The following ABCC2 variants were observed in gnomAD, a reference collection of about 807,000 sequenced individuals.
The protein encoded by ABCC2 is ATP binding cassette subfamily C member 2, also known as ATP-binding cassette sub-family C member 2.
Under a neutral mutation model 173.4 loss-of-function variants are expected in ABCC2, and 157 were observed. The ratio of observed to expected loss-of-function variants is 0.91; its 90% CI spans 0.80 to 1.03. ABCC2 has a LOEUF of 1.03. ABCC2 is among the 50% of genes least tolerant of loss of function. The pLI is 0.00. For synonymous variants in ABCC2, 657 were observed against 693.5 expected (o/e 0.95, Z 0.83); for missense variants, 1,822 against 1,852.3 (o/e 0.98, Z 0.30).
chr10:99,795,252 A>G (rs530816845), intron 6 of ABCC2, among the ~76,000 whole-genome samples: 1 of 152,364 alleles, frequency 6.6e-6, no homozygotes, highest in East Asian at 1.9e-4. Flanking sequence ...AAATATATTG[A>G]AATATAGTTA....
In ABCC2 at chr10:99,834,499, C is replaced by G. The variant is rs149412446; in HGVS notation, c.3378C>G (p.Ile1126Met). ...ICMATPVFTI[I>M]VIPLGIIYVS... is the part of the protein sequence containing the mutation. ...TGGCCACTCCTGTCTTCACCATCAT[C>G]GTCATTCCTCTTGGCATTATTTATG... The change falls in exon 24 of 32, where the codon ATC becomes ATG. Residue 1126 changes from isoleucine (I) to methionine (M), a missense_variant. Ile to Met is a conservative substitution (Grantham distance 10). Coordinates refer to ENST00000647814, the MANE Select transcript of ABCC2 (RefSeq NM_000392.5). 7 of 1,614,056 alleles carry G rather than the reference C, an allele frequency of 4.3e-6. No individual in the cohort carries two copies. The African/African-American group carries it at 9.3e-5, about 22-fold the overall frequency.
chr10:99,810,075 C>T, intron 13 of ABCC2, 59 bp from the exon 14 acceptor site: 2 of 1,507,126 alleles, frequency 1.3e-6, no homozygotes, highest in Non-Finnish European at 1.8e-6. Context: ...AAGTCAAAAT[C>T]TCTCTGCTTG....
intron 11 of ABCC2, among the ~76,000 whole-genome samples, chr10:99,805,943 A>G (rs1339210783): frequency 1.3e-5 from 2 of 152,170 alleles, no homozygotes; most frequent in Non-Finnish European, 2.9e-5. Context: ...GATACCATCA[A>G]AGTTCTCCAG....
At chr10:99,816,278 T>TGGTTATAATC in intron 16 of ABCC2, among the ~76,000 whole-genome samples, 1 of 149,590 alleles carries the variant, frequency 6.7e-6, no homozygotes, top group East Asian at 2.0e-4. Flanking sequence ...CATCTCTGTT[T>TGGTTATAATC]TTTGTTTGTT....
intron 16 of ABCC2, among the ~76,000 whole-genome samples, chr10:99,814,368 TA>T (rs1564684704): frequency 1.2e-5 from 1 of 82,226 alleles, no homozygotes; most frequent in African/African-American, 4.2e-5. Flanking sequence ...TACACACATG[TA>T]TATATACACA....
intron 6 of ABCC2, among the ~76,000 whole-genome samples, chr10:99,796,776 G>A (rs1282767606): frequency 1.3e-5 from 2 of 152,200 alleles, no homozygotes; most frequent in African/African-American, 4.8e-5. Context: ...TTTCTTGAGG[G>A]CATCAAGGAG....
chr10:99,842,895 C>CA lies in ABCC2; in HGVS notation c.3741+810dup, dbSNP rs200521156. Among the ~76,000 whole-genome samples the CA allele has an allele frequency of 8.5e-3, 1,291 of 151,670 alleles. 26 individuals carry two copies. The highest frequency in any genetic ancestry group is 0.03 in the African/African-American group (1,230 of 41,388). Reference sequence around the variant, plus strand: ...TGAAACCCCATCTCTACTAAAAATACAAAAAAAATTAGCCAGGCATGGTGA... The same window carrying CA: ...TGAAACCCCATCTCTACTAAAAATACAAAAAAAAATTAGCCAGGCATGGTGA... On this transcript the variant is annotated intron_variant, in intron 26 of 31. Transcript: ENST00000647814.
chr10:99,851,617 A>G lies in ABCC2; in HGVS notation c.4624A>G (p.Ser1542Gly). 3.1e-6 allele frequency: 5 copies of G among 1,614,194 alleles called. No homozygotes were observed. The highest frequency in any genetic ancestry group is 4.2e-6 in the Non-Finnish European group (5 of 1,179,998). The change falls in exon 32 of 32, where the codon AGC becomes GGC. Residue 1542 changes from serine to glycine, a missense_variant. By Grantham distance (56) the Ser-to-Gly change is moderately conservative. Coordinates refer to ENST00000647814, the MANE Select transcript of ABCC2 (RefSeq NM_000392.5). ...GGAAGCTGGCATTGAGAATGTGAAC[A>G]GCACAAAATTCTAGCAGAAGGCCCC... The part of the protein sequence containing the change: ...AKEAGIENVN[S>G]TKF
chr10:99,825,752 T>C (rs11498758), intron 19 of ABCC2, among the ~76,000 whole-genome samples: 99,462 of 152,046 alleles, frequency 0.65, 32,799 homozygotes, highest in East Asian at 0.78. Context: ...GCCATATACC[T>C]CTGTGGGGAT....
At chr10:99,824,260 G>C (rs1358831555) in intron 19 of ABCC2, among the ~76,000 whole-genome samples, 1 of 150,986 alleles carries the variant, frequency 6.6e-6, no homozygotes, top group Non-Finnish European at 1.5e-5. Flanking sequence ...AAATAATTTA[G>C]TGTTTTTAAT....
intron 16 of ABCC2, among the ~76,000 whole-genome samples, chr10:99,814,797 A>ATATG (rs2038373249): frequency 7.2e-6 from 1 of 138,358 alleles, no homozygotes; most frequent in African/African-American, 2.8e-5. Context: ...ACACACACAT[A>ATATG]TGTGTGTGTG....
At chr10:99,835,962 G>C (rs542138435) in intron 24 of ABCC2, 129 bp from the exon 25 acceptor site, 8 of 900,302 alleles carry the variant, frequency 8.9e-6, no homozygotes, top group Non-Finnish European at 1.4e-5. Context: ...GGCACTGCAG[G>C]CTTTTGTCTT....
intron 2 of ABCC2, among the ~76,000 whole-genome samples, chr10:99,787,458 T>G (rs796295607): frequency 1.3e-3 from 187 of 148,346 alleles, no homozygotes; most frequent in African/African-American, 3.4e-3. Flanking sequence ...CCCCTTTTTT[T>G]GGGGGGACGG....
Position 99,793,626 on chromosome 10 carries a change from A to G in ABCC2, c.409A>G (p.Ile137Val), listed in dbSNP as rs2037845234. The G allele has an allele frequency of 2.5e-6, 4 of 1,614,098 alleles. No individual in the cohort carries two copies. Among genetic ancestry groups the G allele is most frequent in the Non-Finnish European group, 3.4e-6 (4 of 1,180,014 alleles). ...KNSWFLSLFW[I>V]LSILCGTFQF... ...CTCCTGGTTCCTGTCCCTATTCTGG[A>G]TTCTCTCGATACTCTGTGGCACTTT... The change falls in exon 4 of 32, where the codon ATT (isoleucine) becomes GTT (valine). Residue 137 changes from isoleucine to valine, a missense_variant. Ile to Val is a conservative substitution (Grantham distance 29). Transcript: ENST00000647814.
chr10:99,842,211 G>T, intron 26 of ABCC2, 118 bp downstream of exon 26: 1 of 1,448,974 alleles, frequency 6.9e-7, no homozygotes, highest in African/African-American at 1.4e-5. Flanking sequence ...GACTAAAGAA[G>T]ACTGAGGTTC....
At chr10:99,827,165 T>C (rs1160725201) in intron 19 of ABCC2, among the ~76,000 whole-genome samples, 2 of 152,236 alleles carry the variant, frequency 1.3e-5, no homozygotes, top group South Asian at 2.1e-4. Context: ...GATACTGAAG[T>C]TCGGCTGGCG....
At position 99,850,670 on chromosome 10, in the gene ABCC2, A is replaced by G. The variant is rs201658889; in HGVS notation, c.4382A>G (p.Asp1461Gly). ...CGGAAATCCAAGATCCTGGTCCTGG[A>G]TGAGGCCACTGCTGCGGTGGATCTA... ...LLRKSKILVL[D>G]EATAAVDLET... The change falls in exon 31 of 32, where the codon GAT becomes GGT. Residue 1461 changes from aspartate (D) to glycine (G), a missense_variant. Physicochemically the swap from Asp to Gly is moderately conservative, Grantham distance 94. Transcript: ENST00000647814. 2.1e-5 allele frequency: 34 copies of G among 1,614,218 alleles called. No individual in the cohort carries two copies. The Admixed American group carries it at 5.7e-4, about 27-fold the overall frequency.
intron 17 of ABCC2, among the ~76,000 whole-genome samples, chr10:99,818,203 A>G (rs1482948676): frequency 6.7e-6 from 1 of 148,764 alleles, no homozygotes; most frequent in Non-Finnish European, 1.5e-5. Context: ...AGCCTAGGAG[A>G]TGGAGCAAGA....
intron 2 of ABCC2, chr10:99,789,258 A>C (rs1163490537): frequency 1.3e-5 from 2 of 152,246 alleles, no homozygotes; most frequent in Non-Finnish European, 2.9e-5. Context: ...GGAAGATGAG[A>C]GAGCCTCTGA....
Sources: gnomAD v4.1 joint callset for allele counts (sites outside exome capture counted in the v4.1 genomes callset) on GRCh38, gnomAD v4.1.1 for gene constraint, MANE v1.5 for transcripts, NCBI Gene and HGNC (gene_info 2026-07-23, HGNC 2026-07-21) for gene names.